Variants in CHL1 observed in about 807,000 individuals in gnomAD.
CHL1 encodes neural cell adhesion molecule L1-like protein.
Under a neutral mutation model 141.9 loss-of-function variants are expected in CHL1, and 96 were observed. The observed-to-expected ratio is 0.68, with a 90% CI of 0.57 to 0.80. The LOEUF is 0.80. CHL1 is among the 30% of genes least tolerant of loss of function. The pLI is 0.00. For synonymous variants in CHL1, 613 were observed against 502.2 expected, an observed-to-expected ratio of 1.22 and a Z score of -2.95; for missense variants, 1,820 against 1,457.2, an observed-to-expected ratio of 1.25 and a Z score of -4.05.
chr3:298,327 C>T (rs1381553833), intron 2 of CHL1, among the ~76,000 whole-genome samples: 1 of 152,156 alleles, frequency 6.6e-6, no homozygotes, highest in African/African-American at 2.4e-5. Context: ...TAGGTAATCA[C>T]ATGGCATGGG....
At chr3:278,209 T>G (rs186087362) in intron 2 of CHL1, among the ~76,000 whole-genome samples, 6 of 152,346 alleles carry the variant, frequency 3.9e-5, no homozygotes, top group Admixed American at 3.3e-4. Flanking sequence ...ACAGAATTAT[T>G]TTGCTTGCTG....
At chr3:223,592 A>G (rs930642194) in intron 1 of CHL1, among the ~76,000 whole-genome samples, 1 of 152,240 alleles carries the variant, frequency 6.6e-6, no homozygotes, top group Non-Finnish European at 1.5e-5. Flanking sequence ...TGAACTATCA[A>G]AAATTGTATT....
At chr3:240,197 T>C (rs1049809440) in intron 1 of CHL1, among the ~76,000 whole-genome samples, 2 of 152,206 alleles carry the variant, frequency 1.3e-5, no homozygotes, top group Non-Finnish European at 1.5e-5. Context: ...TTGTGCTAGT[T>C]GACATTCTCA....
chr3:237,945 A>C (rs574117183), intron 1 of CHL1, among the ~76,000 whole-genome samples: 2 of 152,320 alleles, frequency 1.3e-5, no homozygotes, highest in African/African-American at 4.8e-5. Flanking sequence ...ACATCTTCAC[A>C]TTGCCTATAT....
intron 2 of CHL1, among the ~76,000 whole-genome samples, chr3:248,862 C>A (rs1270011962): frequency 6.6e-6 from 1 of 152,102 alleles, no homozygotes; most frequent in Non-Finnish European, 1.5e-5. Context: ...CACTTTTAAT[C>A]TTATATTGAC....
chr3:365,702 T>TC (rs1169422249), intron 14 of CHL1, among the ~76,000 whole-genome samples: 2 of 152,176 alleles, frequency 1.3e-5, no homozygotes, highest in Non-Finnish European at 2.9e-5. Flanking sequence ...CTTACTCCCT[T>TC]CCCCAAGAAA....
intron 3 of CHL1, among the ~76,000 whole-genome samples, chr3:325,388 A>G (rs1035567498): frequency 2.0e-5 from 3 of 152,002 alleles, no homozygotes; most frequent in Admixed American, 6.6e-5. Context: ...ATTTATCATA[A>G]ATCAGTAATT....
intron 7 of CHL1, 84 bp downstream of exon 7, chr3:342,166 G>C (rs549462496): frequency 4.6e-6 from 6 of 1,294,540 alleles, no homozygotes; most frequent in African/African-American, 2.9e-5. Flanking sequence ...GCCATTTAAA[G>C]CTGGGTTGAT....
chr3:363,487 A>G (rs1346182112), intron 14 of CHL1, 104 bp downstream of exon 14: 1 of 1,084,940 alleles, frequency 9.2e-7, no homozygotes, highest in East Asian at 2.5e-5. Flanking sequence ...TACCAGATAA[A>G]GTTCTTTGAA....
chr3:385,953 C>T lies in CHL1; in HGVS notation c.2247+2067C>T, dbSNP rs995160243. 3.3e-5 allele frequency among the ~76,000 whole-genome samples: 5 copies of T among 151,716 alleles called. No individual in the cohort carries two copies. In the South Asian group the frequency reaches 8.3e-4, roughly 25 times the overall value. On this transcript the variant is annotated intron_variant, in intron 19 of 27. Transcript: ENST00000256509. ...TGGATCTAGGCTGACAGTTACATTCCCAATATGTCCCATGGTGTCTCCTAT... is the reference window on the plus strand; with the variant it reads ...TGGATCTAGGCTGACAGTTACATTCTCAATATGTCCCATGGTGTCTCCTAT...
chr3:295,848 C>T (rs1199487036), intron 2 of CHL1, among the ~76,000 whole-genome samples: 1 of 152,096 alleles, frequency 6.6e-6, no homozygotes, highest in Non-Finnish European at 1.5e-5. Flanking sequence ...AGGGTTGCTC[C>T]GTTGCCAGGC....
chr3:242,887 T>C (rs1481124563), intron 1 of CHL1, among the ~76,000 whole-genome samples: 2 of 152,140 alleles, frequency 1.3e-5, no homozygotes, highest in African/African-American at 2.4e-5. Context: ...TTGAAAATCC[T>C]AAGTGAGAGT....
At chr3:317,004 G>A (rs13080225) in intron 2 of CHL1, among the ~76,000 whole-genome samples, 20,904 of 151,916 alleles carry the variant, frequency 0.14, 1,717 homozygotes, top group African/African-American at 0.21. Flanking sequence ...CTGACTTTCC[G>A]TTTTCAATCT....
intron 2 of CHL1, among the ~76,000 whole-genome samples, chr3:303,533 T>G (rs746298937): frequency 6.6e-6 from 1 of 151,768 alleles, no homozygotes; most frequent in Non-Finnish European, 1.5e-5. Context: ...TTTGGCTCTC[T>G]GTTTGTTATT....
At chr3:296,983 T>A (rs1698244797) in intron 2 of CHL1, among the ~76,000 whole-genome samples, 1 of 151,864 alleles carries the variant, frequency 6.6e-6, no homozygotes, top group Non-Finnish European at 1.5e-5. Context: ...CATCCTGAGT[T>A]TGTATGTGAG....
chr3:225,709 A>C (rs749126261), intron 1 of CHL1, among the ~76,000 whole-genome samples: 3 of 152,052 alleles, frequency 2.0e-5, no homozygotes, highest in Non-Finnish European at 4.4e-5. Flanking sequence ...CAAGCGAGGA[A>C]CAGTTAAGAA....
intron 2 of CHL1, among the ~76,000 whole-genome samples, chr3:265,905 A>C (rs1446033865): frequency 6.6e-6 from 1 of 152,180 alleles, no homozygotes; most frequent in African/African-American, 2.4e-5. Context: ...TTCCACCAAA[A>C]ATAACAAGCC....
intron 2 of CHL1, among the ~76,000 whole-genome samples, chr3:276,084 T>G (rs568070923): frequency 4.6e-5 from 7 of 152,036 alleles, no homozygotes; most frequent in African/African-American, 1.7e-4. Context: ...TTATTATTGT[T>G]TATATTATTC....
intron 3 of CHL1, among the ~76,000 whole-genome samples, chr3:324,000 A>G (rs1000265811): frequency 6.6e-6 from 1 of 152,162 alleles, no homozygotes; most frequent in Non-Finnish European, 1.5e-5. Context: ...ATTCATAAGT[A>G]AACATTTTGA....
Sources: gnomAD v4.1 joint callset for allele counts (sites outside exome capture counted in the v4.1 genomes callset) on GRCh38, gnomAD v4.1.1 for gene constraint, MANE v1.5 for transcripts, NCBI Gene and HGNC (gene_info 2026-07-23, HGNC 2026-07-21) for gene names.